Variants in SYMPK observed in about 807,000 individuals in gnomAD.
SYMPK encodes the protein symplekin.
Under a neutral mutation model 136.4 loss-of-function variants are expected in SYMPK, and 49 were observed. The ratio of observed to expected loss-of-function variants is 0.36; its 90% CI spans 0.29 to 0.46. The LOEUF (loss-of-function observed/expected upper bound fraction) is 0.46, where lower values mean the gene tolerates loss of function less well. Ranked by LOEUF, SYMPK falls within the 20% of genes least tolerant of loss-of-function variation. The pLI is 1.00. For synonymous variants in SYMPK, 766 were observed against 713.0 expected (o/e 1.07, Z -1.19); for missense variants, 1,365 against 1,690.0 (o/e 0.81, Z 3.37).
rs758438060 is a variant in SYMPK at position 45,816,055 on chromosome 19, C to G, written c.3483G>C (p.Pro1161=). 3 of 1,565,558 alleles carry G rather than the reference C, an allele frequency of 1.9e-6. No individual in the cohort carries two copies. The highest frequency in any genetic ancestry group is 1.9e-5 in the Admixed American group (1 of 52,712). The change falls in exon 26 of 27, where the codon CCG becomes CCC. Residue 1161 remains proline, a synonymous_variant. Transcript: ENST00000245934. The part of the protein sequence containing the change: ...RQLEEEQKLK[P]GGVGAPSSSS... ...AAGAGGAGGGGGCTCCCACTCCTCC[C>G]GGCTTCAGCTTCTGTTCCTCCTCCA...
intron 12 of SYMPK, 69 bp from the exon 13 acceptor site, chr19:45,830,273 C>A: frequency 6.6e-7 from 1 of 1,525,656 alleles, no homozygotes; most frequent in East Asian, 2.4e-5. Flanking sequence ...GGTGACTCTC[C>A]CAACTTCAAG....
chr19:45,854,589 C>T, intron 1 of SYMPK, 82 bp from the exon 2 acceptor site: 1 of 1,123,750 alleles, frequency 8.9e-7, no homozygotes, highest in Non-Finnish European at 1.3e-6. Context: ...CGAACACCTA[C>T]AAAGGGCCCA....
chr19:45,846,009 G>A (rs1414296242), intron 7 of SYMPK, among the ~76,000 whole-genome samples: 2 of 152,190 alleles, frequency 1.3e-5, no homozygotes, highest in African/African-American at 4.8e-5. Flanking sequence ...GGCCGAGGTG[G>A]GCAGATCACG....
intron 7 of SYMPK, among the ~76,000 whole-genome samples, chr19:45,844,656 C>CA (rs1387386378): frequency 1.3e-5 from 2 of 150,702 alleles, no homozygotes; most frequent in African/African-American, 2.4e-5. Context: ...GCCTGGGTGA[C>CA]AGAGTTGGAC....
rs1420207932 is a variant in SYMPK at position 45,848,897 on chromosome 19, G to A, written c.300-21C>T. 3 of 1,613,708 alleles carry A rather than the reference G, an allele frequency of 1.9e-6. No individual in the cohort carries two copies. In the Admixed American group the frequency reaches 5.0e-5, roughly 27 times the overall value. ...GCTTGCTGAGGGATGGAGAAAAAAG[G>A]GGCGAGGTCAAGGTGTGGTCTTAGA... On this transcript the variant is annotated intron_variant, in intron 5 of 26. Coordinates refer to ENST00000245934, the MANE Select transcript of SYMPK (RefSeq NM_004819.3).
At chr19:45,863,017 C>A (rs2146355875) in intron 1 of SYMPK, 41 bp downstream of exon 1, 1 of 400,586 alleles carries the variant, frequency 2.5e-6, no homozygotes, top group East Asian at 3.6e-5. Flanking sequence ...TTAGGAGCCT[C>A]CTCCTTTCGT....
chr19:45,853,099 C>G (rs532277367), intron 3 of SYMPK, among the ~76,000 whole-genome samples: 2 of 152,326 alleles, frequency 1.3e-5, no homozygotes, highest in African/African-American at 2.4e-5. Context: ...ACTCAAGCTA[C>G]TATTGCTAAA....
intron 13 of SYMPK, among the ~76,000 whole-genome samples, chr19:45,829,632 C>T (rs1192580865): frequency 1.3e-5 from 2 of 152,254 alleles, no homozygotes; most frequent in Middle Eastern, 6.8e-3. Context: ...ATTAACTTCA[C>T]AGAATGGGGA....
Position 45,815,883 on chromosome 19 carries a change from A to G in SYMPK, c.3655T>C (p.Leu1219=). ...AGGGGGCCCTCGAGACTAGAGTCCA[A>G]CAGCGCGGCCTCGGTCAGCCCCGAG... ...DDSGLTEAAL[L]DSSLEGPLPK... Residue 1219 remains leucine (L), a synonymous_variant, in exon 26 of 27, where the codon TTG becomes CTG. Transcript: ENST00000245934. The G allele has an allele frequency of 6.2e-7, 1 of 1,611,596 alleles. No individual in the cohort carries two copies. Among genetic ancestry groups the G allele is most frequent in the Non-Finnish European group, 8.5e-7 (1 of 1,179,698 alleles).
chr19:45,859,953 TAAAAAAAAAAA>T (rs61203536), intron 1 of SYMPK, among the ~76,000 whole-genome samples: 3 of 85,668 alleles, frequency 3.5e-5, no homozygotes, highest in African/African-American at 1.4e-4. Context: ...AGACTCCATC[TAAAAAAAAAAA>T]AAAAAAAAAA....
At position 45,826,192 on chromosome 19, in the gene SYMPK, G is replaced by A. The variant is rs761060121; in HGVS notation, c.2329+34C>T. ...CAGGGCCCAGAGCGCGGACACAGCAGCGCTCAGTATGCATCTGATGACCTG... is the reference window on the plus strand; with the variant it reads ...CAGGGCCCAGAGCGCGGACACAGCAACGCTCAGTATGCATCTGATGACCTG... On this transcript the variant is annotated intron_variant, in intron 17 of 26. Coordinates refer to ENST00000245934, the MANE Select transcript of SYMPK (RefSeq NM_004819.3). 23 of 1,592,610 alleles carry A rather than the reference G, an allele frequency of 1.4e-5. No individual in the cohort carries two copies. The African/African-American group carries it at 2.0e-4, about 14-fold the overall frequency.
At chr19:45,842,108 A>C in intron 9 of SYMPK, 142 bp downstream of exon 9, 3 of 1,339,666 alleles carry the variant, frequency 2.2e-6, no homozygotes, top group East Asian at 2.6e-5. Context: ...AGTGCTGGGA[A>C]TACAGGTGTG....
chr19:45,837,167 A>C (rs1296219998), intron 10 of SYMPK, among the ~76,000 whole-genome samples: 1 of 152,234 alleles, frequency 6.6e-6, no homozygotes, highest in Non-Finnish European at 1.5e-5. Context: ...GAAAACAAGC[A>C]AATATTTTGC....
Position 45,815,505 on chromosome 19 carries a change from G to GC in SYMPK, c.*54dup. Reference sequence around the variant, plus strand: ...GCAAAGCACCCGCAGGTCAAGCCCCGCCCCGTCCCCCAGCCCCGAGTCCCT... The same window carrying GC: ...GCAAAGCACCCGCAGGTCAAGCCCCGCCCCCGTCCCCCAGCCCCGAGTCCCT... On this transcript the variant is annotated 3_prime_UTR_variant, in exon 27 of 27. Coordinates refer to ENST00000245934, the MANE Select transcript of SYMPK (RefSeq NM_004819.3). The GC allele has an allele frequency of 1.1e-6, 1 of 947,194 alleles. No individual in the cohort carries two copies. The highest frequency in any genetic ancestry group is 1.7e-5 in the African/African-American group (1 of 58,684). 58.7% of individuals were successfully genotyped at this position (947,194 alleles called of 1,614,324 possible). A position where few individuals can be genotyped will look rare whatever the true frequency, so the allele number is the denominator to read the frequency against.
At chr19:45,825,052 G>A (rs1245362104) in intron 18 of SYMPK, 119 bp downstream of exon 18, 8 of 1,337,732 alleles carry the variant, frequency 6.0e-6, no homozygotes, top group African/African-American at 4.4e-5. Flanking sequence ...GGGTCGGCCC[G>A]GGGTGACCAC....
rs1296296594 is a variant in SYMPK at position 45,821,108 on chromosome 19, ACT to A, written c.2893+274_2893+275del. 3 of 670,690 alleles carry A rather than the reference ACT, an allele frequency of 4.5e-6. No individual in the cohort carries two copies. In the Admixed American group the frequency reaches 6.6e-5, roughly 15 times the overall value. 41.5% of individuals were successfully genotyped at this position (670,690 alleles called of 1,614,324 possible). ...GGGGCTACCCAACTGCTTTAGGCCC[ACT>A]CTGTGCCAGGGCACAGCAGGTACAT... is the stretch of plus-strand genomic sequence containing the variant. On this transcript the variant is annotated intron_variant, in intron 22 of 26. Coordinates refer to ENST00000245934, the MANE Select transcript of SYMPK (RefSeq NM_004819.3). This position sits in a 1 kb window ranked among gnomAD's most constrained non-coding sequence, Gnocchi z 4.4.
intron 16 of SYMPK, 79 bp downstream of exon 16, chr19:45,827,431 G>A (rs1971068308): frequency 1.0e-5 from 10 of 957,840 alleles, no homozygotes; most frequent in Middle Eastern, 2.2e-4. Flanking sequence ...TGTGGAAGAC[G>A]TGGGCTGGTT....
intron 7 of SYMPK, among the ~76,000 whole-genome samples, chr19:45,845,154 C>T (rs921212555): frequency 1.3e-5 from 2 of 151,778 alleles, no homozygotes; most frequent in Admixed American, 6.6e-5. Flanking sequence ...ACTCTGTCAC[C>T]CAGAGTGGAA....
intron 7 of SYMPK, among the ~76,000 whole-genome samples, chr19:45,847,541 A>G (rs1309070157): frequency 6.6e-6 from 1 of 152,206 alleles, no homozygotes; most frequent in Non-Finnish European, 1.5e-5. Context: ...TACAAAAAAG[A>G]AAATGAAGTA....
Sources: allele counts gnomAD v4.1 joint callset (sites outside exome capture counted in the v4.1 genomes callset), GRCh38; gene constraint gnomAD v4.1.1; non-coding constraint Gnocchi (gnomAD v3.1); transcripts MANE v1.5; gene names NCBI Gene and HGNC (gene_info 2026-07-23, HGNC 2026-07-21).